The following WDR72 variants were observed in gnomAD, a reference collection of about 807,000 sequenced individuals.
The protein encoded by WDR72 is WD repeat domain 72, also known as WD repeat-containing protein 72.
Under a neutral mutation model 124.2 loss-of-function variants are expected in WDR72, and 120 were observed. The observed-to-expected ratio is 0.97, with a 90% CI of 0.83 to 1.12. WDR72 has a LOEUF of 1.12. Ranked by LOEUF, WDR72 falls within the 50% of genes most tolerant of loss-of-function variation. WDR72 has a pLI of 0.00. For missense variants in WDR72, 1,387 were observed against 1,278.8 expected, an observed-to-expected ratio of 1.08 and a Z score of -1.29; for synonymous variants, 452 against 441.7, an observed-to-expected ratio of 1.02 and a Z score of -0.29.
At chr15:53,544,384 C>T (rs1319941541) in intron 18 of WDR72, among the ~76,000 whole-genome samples, 1 of 110,998 alleles carries the variant, frequency 9.0e-6, no homozygotes, top group Non-Finnish European at 1.8e-5. Flanking sequence ...TGTAATCCAG[C>T]ATATAAACAG....
chr15:53,612,417 T>C (rs1428888970), intron 16 of WDR72, among the ~76,000 whole-genome samples: 2 of 151,896 alleles, frequency 1.3e-5, no homozygotes, highest in African/African-American at 2.4e-5. Context: ...GCTGCTGCAG[T>C]GATAAAGTGG....
At chr15:53,675,648 T>C (rs1372984833) in intron 13 of WDR72, among the ~76,000 whole-genome samples, 3 of 152,196 alleles carry the variant, frequency 2.0e-5, no homozygotes, top group Non-Finnish European at 2.9e-5. Flanking sequence ...ATGCTTTTAA[T>C]TGTAGGTTAA....
At chr15:53,628,605 T>C (rs1255493886) in intron 14 of WDR72, among the ~76,000 whole-genome samples, 1 of 152,048 alleles carries the variant, frequency 6.6e-6, no homozygotes, top group African/African-American at 2.4e-5. Flanking sequence ...CATAAAAAGG[T>C]AGAGAATATG....
At chr15:53,589,349 G>A (rs2012380349) in intron 18 of WDR72, among the ~76,000 whole-genome samples, 1 of 151,866 alleles carries the variant, frequency 6.6e-6, no homozygotes, top group Middle Eastern at 3.4e-3. Flanking sequence ...AATAGCAATC[G>A]GCTGGTTTCC....
intron 18 of WDR72, among the ~76,000 whole-genome samples, chr15:53,579,741 T>C (rs1277738168): frequency 6.6e-6 from 1 of 152,054 alleles, no homozygotes; most frequent in East Asian, 1.9e-4. Context: ...ACTCAAAGAC[T>C]CTATGAGTCC....
intron 14 of WDR72, among the ~76,000 whole-genome samples, chr15:53,644,254 T>A (rs1000072600): frequency 3.3e-5 from 5 of 152,076 alleles, no homozygotes; most frequent in African/African-American, 1.2e-4. Context: ...ACTGCATCTG[T>A]GCTTGCAATT....
chr15:53,554,605 C>T (rs1016291551), intron 18 of WDR72, among the ~76,000 whole-genome samples: 2 of 152,106 alleles, frequency 1.3e-5, no homozygotes, highest in African/African-American at 4.8e-5. Flanking sequence ...AGTAAAGGCA[C>T]TTGACCTAGA....
At chr15:53,672,772 T>C (rs1287267353) in intron 13 of WDR72, among the ~76,000 whole-genome samples, 1 of 152,206 alleles carries the variant, frequency 6.6e-6, no homozygotes. Flanking sequence ...CCAGAAGTTG[T>C]TTCCTTGATT....
intron 9 of WDR72, among the ~76,000 whole-genome samples, chr15:53,710,597 T>C (rs1478201995): frequency 2.0e-5 from 3 of 152,214 alleles, no homozygotes; most frequent in Non-Finnish European, 4.4e-5. Context: ...CTCCTTTCTT[T>C]TTAACATTTA....
intron 13 of WDR72, among the ~76,000 whole-genome samples, chr15:53,690,327 C>T (rs1410550842): frequency 1.3e-5 from 2 of 152,118 alleles, no homozygotes; most frequent in Admixed American, 6.5e-5. Context: ...AATTCAGTGG[C>T]ATTTAGTGCA....
intron 14 of WDR72, among the ~76,000 whole-genome samples, chr15:53,625,798 CAAAA>C (rs5812699): frequency 2.9e-5 from 4 of 139,630 alleles, no homozygotes; most frequent in African/African-American, 2.6e-5. Flanking sequence ...ACTGTTCAGA[CAAAA>C]AAAAAAAAAT....
chr15:53,522,422 G>A (rs1458354668), intron 19 of WDR72, among the ~76,000 whole-genome samples: 1 of 152,042 alleles, frequency 6.6e-6, no homozygotes, highest in East Asian at 1.9e-4. Context: ...TTAAGTGGAG[G>A]AGATATTTAA....
intron 18 of WDR72, among the ~76,000 whole-genome samples, chr15:53,581,105 G>C (rs2011897725): frequency 6.6e-6 from 1 of 152,026 alleles, no homozygotes; most frequent in Non-Finnish European, 1.5e-5. Flanking sequence ...GCAGATTCAA[G>C]ATTAATCTCT....
At chr15:53,648,456 A>AT (rs1595818285) in intron 14 of WDR72, among the ~76,000 whole-genome samples, 1 of 152,176 alleles carries the variant, frequency 6.6e-6, no homozygotes, top group Non-Finnish European at 1.5e-5. Flanking sequence ...TATCAAGTTG[A>AT]TGCTTTCTAA....
At chr15:53,694,638 G>A (rs2016946769) in intron 13 of WDR72, among the ~76,000 whole-genome samples, 1 of 152,182 alleles carries the variant, frequency 6.6e-6, no homozygotes, top group Non-Finnish European at 1.5e-5. Context: ...TGCACGATAA[G>A]TGAAGAACAC....
chr15:53,689,453 A>G (rs1211372980), intron 13 of WDR72, among the ~76,000 whole-genome samples: 1 of 149,492 alleles, frequency 6.7e-6, no homozygotes, highest in Non-Finnish European at 1.5e-5. Flanking sequence ...CAGCCAAAAA[A>G]CACATGAAAA....
At chr15:53,677,974 G>C (rs1248715775) in intron 13 of WDR72, among the ~76,000 whole-genome samples, 1 of 152,168 alleles carries the variant, frequency 6.6e-6, no homozygotes, top group East Asian at 1.9e-4. Flanking sequence ...GTGGTTGGGA[G>C]GGTGATTAGG....
chr15:53,674,127 T>G (rs1251714209), intron 13 of WDR72, among the ~76,000 whole-genome samples: 2 of 152,188 alleles, frequency 1.3e-5, no homozygotes, highest in African/African-American at 4.8e-5. Flanking sequence ...TTAGGTCTTT[T>G]CCATATTGGG....
chr15:53,678,494 C>T (rs532151002), intron 13 of WDR72, among the ~76,000 whole-genome samples: 1 of 152,146 alleles, frequency 6.6e-6, no homozygotes, highest in Admixed American at 6.6e-5. Context: ...TCTACCCTAT[C>T]CCTTCTTACT....
Sources: gnomAD v4.1 joint callset for allele counts (sites outside exome capture counted in the v4.1 genomes callset) on GRCh38, gnomAD v4.1.1 for gene constraint, MANE v1.5 for transcripts, NCBI Gene and HGNC (gene_info 2026-07-23, HGNC 2026-07-21) for gene names.